The following CDC25A variants were observed in gnomAD, a reference collection of about 807,000 sequenced individuals.
The protein encoded by CDC25A is M-phase inducer phosphatase 1.
CDC25A carries 17 observed loss-of-function variants against 64.6 expected under a neutral mutation model. The observed-to-expected ratio is 0.26, with a 90% CI of 0.18 to 0.39. CDC25A has a LOEUF of 0.39. Among genes scored for constraint, CDC25A ranks in the 10% least tolerant of loss-of-function variants. The probability of loss-of-function intolerance (pLI) is 1.00; values close to 1 mark genes in which losing one functional copy is unlikely to be tolerated. For synonymous variants in CDC25A, 229 were observed against 238.6 expected (o/e 0.96, Z 0.37); for missense variants, 473 against 654.8 (o/e 0.72, Z 3.03).
At chr3:48,179,560 G>T (rs1352895747) in intron 6 of CDC25A, among the ~76,000 whole-genome samples, 1 of 151,990 alleles carries the variant, frequency 6.6e-6, no homozygotes, top group Non-Finnish European at 1.5e-5. Context: ...TACAGATAGG[G>T]TCTCACTATG....
intron 9 of CDC25A, among the ~76,000 whole-genome samples, chr3:48,173,209 C>CAAAAAAAAAAAAAA (rs35936117): frequency 1.8e-5 from 1 of 54,510 alleles, no homozygotes; most frequent in African/African-American, 5.6e-5. Context: ...CAGAGCGTCT[C>CAAAAAAAAAAAAAA]AAAAAAAAAA....
intron 9 of CDC25A, among the ~76,000 whole-genome samples, chr3:48,173,143 G>A (rs752524848): frequency 8.0e-5 from 12 of 150,634 alleles, no homozygotes; most frequent in African/African-American, 1.5e-4. Context: ...GCATGAACCC[G>A]GGAGGCAGAG....
intron 8 of CDC25A, among the ~76,000 whole-genome samples, chr3:48,175,904 T>A (rs1009396985): frequency 1.3e-5 from 2 of 152,204 alleles, no homozygotes; most frequent in African/African-American, 4.8e-5. Flanking sequence ...CGGTGGCTCA[T>A]GCCTGTAATC....
Position 48,187,964 on chromosome 3 carries a change from G to A in CDC25A, c.-17C>T. The stretch of plus-strand genomic sequence containing the variant: ...CAGTTCCATGGCGGCGCCCGGCCTC[G>A]CAGAGCTCCCGCTCCCTCTTCCTCT... On this transcript the variant is annotated 5_prime_UTR_variant, in exon 1 of 15. Transcript: ENST00000302506. 1 of 1,461,684 alleles carries A rather than the reference G, an allele frequency of 6.8e-7. No individual in the cohort carries two copies. The highest frequency in any genetic ancestry group is 1.4e-5 in the South Asian group (1 of 73,336). 90.5% of individuals were successfully genotyped at this position (1,461,684 alleles called of 1,614,324 possible).
rs2032931755 is a variant in CDC25A at position 48,188,395 on chromosome 3, T to C, written c.-448A>G. The C allele has an allele frequency of 6.4e-6, 1 of 156,422 alleles. No individual in the cohort carries two copies. The highest frequency in any genetic ancestry group is 1.4e-5 in the Non-Finnish European group (1 of 71,160). The allele number at this position is 156,422 out of a possible 1,614,324, so 9.7% of individuals were successfully genotyped here. A position where few individuals can be genotyped will look rare whatever the true frequency, so the allele number is the denominator to read the frequency against. ...CCAGGCTGTCGCAGCCAGGCCGGCC[T>C]TTCGCGGTAATAGCGGCTCAGTGGG... On this transcript the variant is annotated 5_prime_UTR_variant, in exon 1 of 15. Coordinates refer to ENST00000302506, the MANE Select transcript of CDC25A (RefSeq NM_001789.3).
At chr3:48,159,870 C>A (rs1036433969) in intron 13 of CDC25A, among the ~76,000 whole-genome samples, 4 of 152,142 alleles carry the variant, frequency 2.6e-5, no homozygotes, top group African/African-American at 9.7e-5. Context: ...TGAACTTGCT[C>A]CTGCCTCGGG....
Position 48,180,851 on chromosome 3 carries a change from T to C in CDC25A, c.430-11A>G. The stretch of plus-strand genomic sequence containing the variant: ...AAACTCAAAGGCTTCCTGCAAGACA[T>C]AGTTGAGACATCTACTGTCCATGAA... On this transcript the variant is annotated splice_polypyrimidine_tract_variant and intron_variant, in intron 5 of 14. Coordinates refer to ENST00000302506, the MANE Select transcript of CDC25A (RefSeq NM_001789.3). 1.2e-6 allele frequency: 2 copies of C among 1,613,790 alleles called. No homozygotes were observed. The highest frequency in any genetic ancestry group is 1.7e-5 in the Admixed American group (1 of 60,004).
chr3:48,165,683 T>C lies in CDC25A; in HGVS notation c.1144A>G (p.Ile382Val), dbSNP rs2031985432. ...KFANLIKEFVIIDCRYPYEYE... is the reference protein window; with the variant it reads ...KFANLIKEFVVIDCRYPYEYE... ...TCATATGGGTATCGACAGTCGATGA[T>C]AACAAACTCTTTAATGAGGTTGGCA... The change falls in exon 12 of 15, where the codon ATC becomes GTC. Residue 382 changes from isoleucine to valine, a missense_variant. By Grantham distance (29) the Ile-to-Val change is conservative. Coordinates refer to ENST00000302506, the MANE Select transcript of CDC25A (RefSeq NM_001789.3). 17 of 1,614,108 alleles carry C rather than the reference T, an allele frequency of 1.1e-5. No homozygotes were observed. The highest frequency in any genetic ancestry group is 1.4e-5 in the Non-Finnish European group (17 of 1,179,960).
At chr3:48,167,974 C>T (rs1449707218) in intron 9 of CDC25A, 30 bp from the exon 10 acceptor site, 1 of 1,363,646 alleles carries the variant, frequency 7.3e-7, no homozygotes. Flanking sequence ...GAGAATGAGA[C>T]AAGGGTTCTG....
At chr3:48,164,271 C>T (rs2031910360) in intron 13 of CDC25A, 36 bp downstream of exon 13, 1 of 1,472,808 alleles carries the variant, frequency 6.8e-7, no homozygotes, top group Non-Finnish European at 9.0e-7. Flanking sequence ...CATCATGGAG[C>T]CTGTGCCCCA....
At chr3:48,176,204 C>A (rs1252835691) in intron 8 of CDC25A, among the ~76,000 whole-genome samples, 2 of 151,976 alleles carry the variant, frequency 1.3e-5, no homozygotes, top group Admixed American at 1.3e-4. Flanking sequence ...AACAAAAAAA[C>A]TGTAGCTCAT....
chr3:48,162,463 C>T (rs560769180), intron 13 of CDC25A, among the ~76,000 whole-genome samples: 14 of 152,160 alleles, frequency 9.2e-5, no homozygotes, highest in African/African-American at 2.2e-4. Flanking sequence ...CTGAAACTCC[C>T]GAGCAAGTGA....
At chr3:48,163,578 T>C (rs569572123) in intron 13 of CDC25A, among the ~76,000 whole-genome samples, 37 of 152,136 alleles carry the variant, frequency 2.4e-4, no homozygotes, top group Non-Finnish European at 5.1e-4. Flanking sequence ...CACTCCAGCC[T>C]GGGCAACAAG....
chr3:48,168,094 C>T, intron 9 of CDC25A, 150 bp from the exon 10 acceptor site: 1 of 441,728 alleles, frequency 2.3e-6, no homozygotes, highest in Non-Finnish European at 4.1e-6. Flanking sequence ...CTGGAGTGAA[C>T]AAAAACAGAT....
At chr3:48,176,983 C>A (rs1388880215) in intron 8 of CDC25A, among the ~76,000 whole-genome samples, 4 of 150,644 alleles carry the variant, frequency 2.7e-5, no homozygotes, top group South Asian at 2.1e-4. Flanking sequence ...AAAAAAAAAA[C>A]AAAAAACACA....
At chr3:48,173,612 A>G (rs1369451141) in intron 9 of CDC25A, among the ~76,000 whole-genome samples, 1 of 152,176 alleles carries the variant, frequency 6.6e-6, no homozygotes, top group African/African-American at 2.4e-5. Context: ...ACAGTGCCCC[A>G]GTCACCACCC....
At chr3:48,166,227 G>A (rs1239495133) in intron 10 of CDC25A, among the ~76,000 whole-genome samples, 6 of 152,134 alleles carry the variant, frequency 3.9e-5, no homozygotes, top group Non-Finnish European at 8.8e-5. Context: ...AGGTTGCAGT[G>A]AGCTGAGATT....
chr3:48,177,504 C>T, intron 7 of CDC25A, 62 bp from the exon 8 acceptor site: 4 of 1,282,202 alleles, frequency 3.1e-6, no homozygotes, highest in Non-Finnish European at 4.5e-6. Context: ...TGTTTAAGTG[C>T]TTTAGGTGTG....
rs1367183361 is a variant in CDC25A at position 48,159,564 on chromosome 3, C to T, written c.1323-109G>A. On this transcript the variant is annotated intron_variant, in intron 13 of 14. Coordinates refer to ENST00000302506, the MANE Select transcript of CDC25A (RefSeq NM_001789.3). ...CTAAGTCCCCCTTATACACATCTTC[C>T]CAACTTGACATTTATTCTTAGAAAC... is the stretch of plus-strand genomic sequence containing the variant. 17 of 698,480 alleles carry T rather than the reference C, an allele frequency of 2.4e-5. No individual in the cohort carries two copies. The Admixed American group carries it at 3.4e-4, about 14-fold the overall frequency. The allele number at this position is 698,480 out of a possible 1,614,324, so 43.3% of individuals were successfully genotyped here.
Sources: allele counts gnomAD v4.1 joint callset (sites outside exome capture counted in the v4.1 genomes callset), GRCh38; gene constraint gnomAD v4.1.1; transcripts MANE v1.5; gene names NCBI Gene and HGNC (gene_info 2026-07-23, HGNC 2026-07-21).